GNA14: variants seen among roughly 807,000 people sequenced by gnomAD.
GNA14 encodes the protein guanine nucleotide-binding protein subunit alpha-14.
Under a neutral mutation model 42.0 loss-of-function variants are expected in GNA14, and 50 were observed. The ratio of observed to expected loss-of-function variants is 1.19; its 90% CI spans 0.95 to 1.51. The LOEUF is 1.51. Among genes scored for constraint, GNA14 ranks in the 40% most tolerant of loss-of-function variants. The pLI is 0.00. For missense variants in GNA14, 473 were observed against 446.2 expected (o/e 1.06, Z -0.54); for synonymous variants, 173 against 163.1 (o/e 1.06, Z -0.46).
At chr9:77,502,108 A>C (rs1434149373) in intron 2 of GNA14, among the ~76,000 whole-genome samples, 2 of 152,114 alleles carry the variant, frequency 1.3e-5, no homozygotes, top group Non-Finnish European at 2.9e-5. Context: ...TGTTTTGGTT[A>C]TATTTTTTAA....
chr9:77,581,843 C>T (rs1823229156), intron 1 of GNA14, among the ~76,000 whole-genome samples: 1 of 152,142 alleles, frequency 6.6e-6, no homozygotes, highest in Admixed American at 6.5e-5. Context: ...TCCTCTGCCA[C>T]CTTAAATAAA....
chr9:77,482,552 A>G (rs6560599), intron 2 of GNA14, among the ~76,000 whole-genome samples: 89,291 of 151,066 alleles, frequency 0.59, 27,163 homozygotes, highest in East Asian at 0.82. Context: ...CTCGTCTTGA[A>G]GAGTATCTTT....
intron 5 of GNA14, among the ~76,000 whole-genome samples, chr9:77,428,236 G>A (rs1224555713): frequency 6.6e-5 from 10 of 151,782 alleles, no homozygotes; most frequent in Admixed American, 2.0e-4. Flanking sequence ...CCACCACCAC[G>A]CCCGGCTAAT....
intron 1 of GNA14, among the ~76,000 whole-genome samples, chr9:77,644,454 AAAAAAAAAAAG>A (rs1348253533): frequency 1.3e-5 from 2 of 149,444 alleles, no homozygotes; most frequent in Non-Finnish European, 3.0e-5. Flanking sequence ...AAAAAAAAAA[AAAAAAAAAAAG>A]ACACAGGAAT....
intron 1 of GNA14, among the ~76,000 whole-genome samples, chr9:77,572,639 A>G (rs1239417834): frequency 6.6e-6 from 1 of 152,214 alleles, no homozygotes; most frequent in East Asian, 1.9e-4. Context: ...AAATACAACA[A>G]ATTAGTTTGA....
intron 2 of GNA14, among the ~76,000 whole-genome samples, chr9:77,466,716 A>T (rs1236162667): frequency 6.6e-6 from 1 of 152,090 alleles, no homozygotes; most frequent in Non-Finnish European, 1.5e-5. Context: ...TGGACACTTT[A>T]GATAATACAT....
intron 1 of GNA14, among the ~76,000 whole-genome samples, chr9:77,560,551 G>A (rs1416512894): frequency 2.6e-5 from 4 of 152,066 alleles, no homozygotes; most frequent in African/African-American, 9.7e-5. Context: ...CCTGAGCTCA[G>A]GCAGTTTGCC....
intron 2 of GNA14, among the ~76,000 whole-genome samples, chr9:77,489,879 A>G (rs1308074886): frequency 6.6e-6 from 1 of 151,982 alleles, no homozygotes; most frequent in Non-Finnish European, 1.5e-5. Flanking sequence ...TGAAAGAACA[A>G]AGCTTCCACA....
At chr9:77,605,029 C>T (rs1282485624) in intron 1 of GNA14, among the ~76,000 whole-genome samples, 2 of 152,262 alleles carry the variant, frequency 1.3e-5, no homozygotes, top group Non-Finnish European at 2.9e-5. Flanking sequence ...GAATAGCAGA[C>T]TCTTTGCCTT....
chr9:77,620,966 TC>T (rs1823912739), intron 1 of GNA14, among the ~76,000 whole-genome samples: 1 of 151,878 alleles, frequency 6.6e-6, no homozygotes, highest in Admixed American at 6.6e-5. Context: ...AGGGTCTCAC[TC>T]CTATCACCCA....
At chr9:77,481,776 T>C (rs971726711) in intron 2 of GNA14, among the ~76,000 whole-genome samples, 19 of 152,348 alleles carry the variant, frequency 1.2e-4, no homozygotes, top group African/African-American at 4.3e-4. Context: ...GCTCTTCTTG[T>C]TGAATTGATC....
chr9:77,603,983 A>G (rs1428854519), intron 1 of GNA14, among the ~76,000 whole-genome samples: 6 of 119,902 alleles, frequency 5.0e-5, no homozygotes, highest in African/African-American at 1.6e-4. Flanking sequence ...AAAAAAAAAC[A>G]CCTCTGAGAA....
chr9:77,598,667 G>A (rs1823503972), intron 1 of GNA14, among the ~76,000 whole-genome samples: 1 of 152,146 alleles, frequency 6.6e-6, no homozygotes, highest in Admixed American at 6.5e-5. Flanking sequence ...AAAAAGCAGG[G>A]AACTAGGGCC....
At chr9:77,541,902 A>T (rs1227138692) in intron 1 of GNA14, among the ~76,000 whole-genome samples, 3 of 152,120 alleles carry the variant, frequency 2.0e-5, no homozygotes, top group African/African-American at 7.2e-5. Flanking sequence ...TCTTTTTAAA[A>T]GTATCTCTTT....
At chr9:77,491,367 G>A (rs1387277587) in intron 2 of GNA14, among the ~76,000 whole-genome samples, 1 of 152,118 alleles carries the variant, frequency 6.6e-6, no homozygotes, top group African/African-American at 2.4e-5. Flanking sequence ...GGCACAGAGT[G>A]GCTTAATGGA....
At chr9:77,556,653 C>A (rs1197966596) in intron 1 of GNA14, among the ~76,000 whole-genome samples, 1 of 152,168 alleles carries the variant, frequency 6.6e-6, no homozygotes, top group East Asian at 1.9e-4. Context: ...TCCTCTCTCA[C>A]TCCTAATCAA....
At chr9:77,606,991 T>G (rs558223867) in intron 1 of GNA14, among the ~76,000 whole-genome samples, 68 of 152,256 alleles carry the variant, frequency 4.5e-4, no homozygotes, top group African/African-American at 1.6e-3. Context: ...GAGAGGGCCC[T>G]CACCAGAACC....
chr9:77,629,059 A>G (rs1312472970), intron 1 of GNA14, among the ~76,000 whole-genome samples: 1 of 152,218 alleles, frequency 6.6e-6, no homozygotes, highest in Non-Finnish European at 1.5e-5. Context: ...AAACCCCATC[A>G]AAAAGTGGCC....
At chr9:77,499,234 A>G (rs898978284) in intron 2 of GNA14, among the ~76,000 whole-genome samples, 1 of 152,164 alleles carries the variant, frequency 6.6e-6, no homozygotes, top group African/African-American at 2.4e-5. Context: ...ATTCTTCTTG[A>G]TCTCAAAAGC....
Sources: allele counts gnomAD v4.1 joint callset (sites outside exome capture counted in the v4.1 genomes callset), GRCh38; gene constraint gnomAD v4.1.1; transcripts MANE v1.5; gene names NCBI Gene and HGNC (gene_info 2026-07-23, HGNC 2026-07-21).